Variants in SCHIP1 observed in about 807,000 individuals in gnomAD.
The protein encoded by SCHIP1 is schwannomin interacting protein 1, also known as schwannomin-interacting protein 1.
A neutral mutation model predicts 29.7 loss-of-function variants in SCHIP1; 8 were observed. That is an observed-to-expected ratio of 0.27 (90% CI 0.16 to 0.49). The LOEUF (loss-of-function observed/expected upper bound fraction) is 0.49. Ranked by LOEUF, SCHIP1 falls within the 20% of genes least tolerant of loss-of-function variation. The pLI, the probability that SCHIP1 is intolerant of heterozygous loss-of-function variation, is 0.99. For missense variants in SCHIP1, 193 were observed against 294.6 expected (o/e 0.66, Z 2.52); for synonymous variants, 76 against 94.9 (o/e 0.80, Z 1.16).
the SCHIP1 span, among the ~76,000 whole-genome samples, chr3:159,679,437 T>G: frequency 6.6e-6 from 1 of 152,140 alleles, no homozygotes; most frequent in South Asian, 2.1e-4. Flanking sequence ...ATGAAGTAAT[T>G]TTACAGTGGG....
chr3:159,401,931 G>T, the SCHIP1 span, among the ~76,000 whole-genome samples: 1 of 152,054 alleles, frequency 6.6e-6, no homozygotes, highest in East Asian at 1.9e-4. Context: ...AGCCAAAATG[G>T]GATCTAATTA....
At chr3:159,356,777 G>A in the SCHIP1 span, among the ~76,000 whole-genome samples, 1 of 152,262 alleles carries the variant, frequency 6.6e-6, no homozygotes, top group East Asian at 1.9e-4. Flanking sequence ...TTCACTTTCT[G>A]TCTGAAGGAG....
the SCHIP1 span, among the ~76,000 whole-genome samples, chr3:159,530,788 G>A: frequency 7.9e-5 from 12 of 152,152 alleles, no homozygotes; most frequent in Non-Finnish European, 1.3e-4. Context: ...AGGCCTTATT[G>A]TCTCTGTCCC....
At chr3:159,462,477 CA>C in the SCHIP1 span, among the ~76,000 whole-genome samples, 3 of 152,094 alleles carry the variant, frequency 2.0e-5, no homozygotes, top group Non-Finnish European at 4.4e-5. Context: ...TCATTACCAT[CA>C]CTCTTGTCAA....
chr3:159,695,076 T>C, the SCHIP1 span, among the ~76,000 whole-genome samples: 2 of 152,198 alleles, frequency 1.3e-5, no homozygotes, highest in African/African-American at 2.4e-5. Context: ...GTCTGTATAT[T>C]TGGTGTTCAT....
chr3:159,734,490 A>G, the SCHIP1 span, among the ~76,000 whole-genome samples: 15 of 152,126 alleles, frequency 9.9e-5, no homozygotes, highest in African/African-American at 3.4e-4. Flanking sequence ...ACGAAAAAAA[A>G]GATGTGTCTT....
intron 2 of SCHIP1, among the ~76,000 whole-genome samples, chr3:159,874,412 T>C (rs947271010): frequency 6.6e-6 from 1 of 152,244 alleles, no homozygotes; most frequent in Non-Finnish European, 1.5e-5. Flanking sequence ...ATTTCTTTCT[T>C]GGCCTTATAG....
the SCHIP1 span, among the ~76,000 whole-genome samples, chr3:159,759,664 A>G: frequency 6.6e-6 from 1 of 152,172 alleles, no homozygotes; most frequent in Non-Finnish European, 1.5e-5. Flanking sequence ...GGGCTGTTAA[A>G]TATCTCCATG....
the SCHIP1 span, among the ~76,000 whole-genome samples, chr3:159,699,352 A>C: frequency 7.2e-5 from 11 of 152,324 alleles, no homozygotes; most frequent in Middle Eastern, 3.4e-3. Context: ...TCAACCCTAG[A>C]TCTACCAGCT....
At chr3:159,853,800 T>A (rs563882250) in intron 1 of SCHIP1, among the ~76,000 whole-genome samples, 2 of 152,308 alleles carry the variant, frequency 1.3e-5, no homozygotes, top group South Asian at 2.1e-4. Flanking sequence ...GCAAAAAAAA[T>A]TACTAGAATG....
At chr3:159,767,041 A>G in the SCHIP1 span, among the ~76,000 whole-genome samples, 1 of 152,144 alleles carries the variant, frequency 6.6e-6, no homozygotes, top group African/African-American at 2.4e-5. Flanking sequence ...CATTTCCTCT[A>G]CAAGTTACAC....
the SCHIP1 span, chr3:159,386,668 C>G: frequency 6.6e-6 from 1 of 152,248 alleles, no homozygotes; most frequent in African/African-American, 2.4e-5. Flanking sequence ...GTAACCAACA[C>G]AGCATGGTAC....
chr3:159,643,105 A>C, the SCHIP1 span, among the ~76,000 whole-genome samples: 1 of 152,066 alleles, frequency 6.6e-6, no homozygotes, highest in Non-Finnish European at 1.5e-5. Flanking sequence ...CACAAAAAGG[A>C]ATCAAACTCA....
At chr3:159,711,031 A>G in the SCHIP1 span, among the ~76,000 whole-genome samples, 3 of 152,200 alleles carry the variant, frequency 2.0e-5, no homozygotes, top group Non-Finnish European at 4.4e-5. Flanking sequence ...TAGAGGTGAC[A>G]TTACAGTTTC....
the SCHIP1 span, among the ~76,000 whole-genome samples, chr3:159,446,645 A>G: frequency 0.013 from 1,908 of 152,324 alleles, 16 homozygotes; most frequent in Non-Finnish European, 0.021. Flanking sequence ...AAACAGGCAC[A>G]GGCAGGGCAA....
At chr3:159,764,989 CT>C in the SCHIP1 span, 1 of 1,525,328 alleles carries the variant, frequency 6.6e-7, no homozygotes, top group South Asian at 1.2e-5. The surrounding 1 kb of genome is among the most constrained non-coding windows in gnomAD (Gnocchi z 6.1). Context: ...GGGGCTCTGC[CT>C]TCAGCCCCCA....
At chr3:159,319,002 T>G in the SCHIP1 span, among the ~76,000 whole-genome samples, 1 of 152,172 alleles carries the variant, frequency 6.6e-6, no homozygotes, top group East Asian at 1.9e-4. Flanking sequence ...TCTGCTGTGA[T>G]TAATCTATAG....
At chr3:159,726,103 A>G in the SCHIP1 span, among the ~76,000 whole-genome samples, 1 of 152,254 alleles carries the variant, frequency 6.6e-6, no homozygotes, top group Non-Finnish European at 1.5e-5. Context: ...GAAAACTTTT[A>G]GATTATAACA....
the SCHIP1 span, chr3:159,273,496 TC>T: frequency 9.1e-7 from 1 of 1,101,440 alleles, no homozygotes; most frequent in Non-Finnish European, 1.1e-6. Flanking sequence ...TCTGGAATCC[TC>T]TGTTCTCCGA....
Sources: allele counts gnomAD v4.1 joint callset (sites outside exome capture counted in the v4.1 genomes callset), GRCh38; gene constraint gnomAD v4.1.1; non-coding constraint Gnocchi (gnomAD v3.1); transcripts MANE v1.5; gene names NCBI Gene and HGNC (gene_info 2026-07-23, HGNC 2026-07-21).